Variants in GRIN2B observed in about 807,000 individuals in gnomAD.
GRIN2B encodes the protein glutamate receptor ionotropic, NMDA 2B.
A neutral mutation model predicts 114.5 loss-of-function variants in GRIN2B; 5 were observed. The ratio of observed to expected loss-of-function variants is 0.04; its 90% CI spans 0.02 to 0.09. The LOEUF (loss-of-function observed/expected upper bound fraction) is 0.09. Among genes scored for constraint, GRIN2B ranks in the 10% least tolerant of loss-of-function variants. GRIN2B has a pLI of 1.00. For synonymous variants in GRIN2B, 787 were observed against 745.1 expected (o/e 1.06, Z -0.92); for missense variants, 1,108 against 1,943.5 (o/e 0.57, Z 8.08).
intron 11 of GRIN2B, among the ~76,000 whole-genome samples, chr12:13,571,558 G>A (rs779819395): frequency 3.3e-5 from 5 of 151,934 alleles, no homozygotes; most frequent in Non-Finnish European, 7.4e-5. Context: ...CTTATTTCAT[G>A]GTTACATTAG....
At chr12:13,770,365 T>G (rs757725779) in intron 3 of GRIN2B, among the ~76,000 whole-genome samples, 22 of 152,220 alleles carry the variant, frequency 1.4e-4, no homozygotes, top group Admixed American at 3.3e-4. Flanking sequence ...TGATTCACTT[T>G]GAATATATCA....
chr12:13,850,136 A>T (rs1159072025), intron 3 of GRIN2B, among the ~76,000 whole-genome samples: 2 of 152,170 alleles, frequency 1.3e-5, no homozygotes, highest in Non-Finnish European at 2.9e-5. Flanking sequence ...GGTAACAGCA[A>T]TTACAGCTGA....
intron 3 of GRIN2B, among the ~76,000 whole-genome samples, chr12:13,819,800 T>C (rs1309333752): frequency 6.6e-6 from 1 of 152,208 alleles, no homozygotes; most frequent in Non-Finnish European, 1.5e-5. Flanking sequence ...TCTGAACCTG[T>C]TGGATTTCAG....
intron 3 of GRIN2B, among the ~76,000 whole-genome samples, chr12:13,833,789 A>T (rs984574299): frequency 2.0e-5 from 3 of 152,148 alleles, no homozygotes; most frequent in Admixed American, 6.6e-5. Context: ...ACTTTTCCAC[A>T]GTACCACGGA....
chr12:13,878,094 T>C (rs1357563081), intron 2 of GRIN2B, among the ~76,000 whole-genome samples: 1 of 150,480 alleles, frequency 6.6e-6, no homozygotes, highest in Admixed American at 6.6e-5. Context: ...AAAAATCTAC[T>C]GTCTACTCCG....
intron 3 of GRIN2B, among the ~76,000 whole-genome samples, chr12:13,824,323 A>AT (rs1325027086): frequency 2.6e-5 from 4 of 152,112 alleles, no homozygotes; most frequent in African/African-American, 4.8e-5. Context: ...ATGACTTATT[A>AT]TTTTTTTCTT....
At chr12:13,918,639 G>T (rs73293524) in intron 2 of GRIN2B, among the ~76,000 whole-genome samples, 40 of 152,176 alleles carry the variant, frequency 2.6e-4, no homozygotes, top group South Asian at 1.2e-3. Flanking sequence ...TTCAATGCAC[G>T]CTCTGCAATT....
intron 10 of GRIN2B, among the ~76,000 whole-genome samples, chr12:13,607,352 A>ATATTTTATATATT (rs1565473680): frequency 1.0e-4 from 3 of 29,846 alleles, no homozygotes; most frequent in African/African-American, 4.0e-4. Flanking sequence ...TAATATATAA[A>ATATTTTATATATT]ATATATAATA....
At chr12:13,628,917 A>G (rs1300671263) in intron 5 of GRIN2B, among the ~76,000 whole-genome samples, 1 of 152,248 alleles carries the variant, frequency 6.6e-6, no homozygotes, top group African/African-American at 2.4e-5. Flanking sequence ...GAAAAGAAAC[A>G]AGGTATAAAC....
chr12:13,627,023 C>A (rs1317271475), intron 5 of GRIN2B, among the ~76,000 whole-genome samples: 1 of 151,830 alleles, frequency 6.6e-6, no homozygotes, highest in Non-Finnish European at 1.5e-5. Flanking sequence ...TGGTAGGACC[C>A]AGGAGAATGT....
At chr12:13,598,977 G>A (rs1220109676) in intron 10 of GRIN2B, among the ~76,000 whole-genome samples, 2 of 152,182 alleles carry the variant, frequency 1.3e-5, no homozygotes, top group Admixed American at 6.5e-5. Flanking sequence ...AATCCAAGCT[G>A]CTCCGTGCTG....
At position 13,541,869 on chromosome 12, in the gene GRIN2B, C is replaced by T. The variant is rs879884727; in HGVS notation, c.*20914G>A. The T allele has an allele frequency of 3.3e-5, 5 of 152,258 alleles. No individual in the cohort carries two copies. Among genetic ancestry groups the T allele is most frequent in the Admixed American group, 6.5e-5 (1 of 15,286 alleles). 9.4% of individuals were successfully genotyped at this position (152,258 alleles called of 1,614,324 possible). A position where few individuals can be genotyped will look rare whatever the true frequency, so the allele number is the denominator to read the frequency against. On this transcript the variant is annotated 3_prime_UTR_variant, in exon 14 of 14. Coordinates refer to ENST00000609686, the MANE Select transcript of GRIN2B (RefSeq NM_000834.5). ...GCACAGGAAATAGAATTAGTGCATC[C>T]TCTGTGTCAGAAACAACGTGCAGTG...
At chr12:13,926,486 C>T (rs1866912875) in intron 2 of GRIN2B, among the ~76,000 whole-genome samples, 1 of 152,170 alleles carries the variant, frequency 6.6e-6, no homozygotes, top group Non-Finnish European at 1.5e-5. Context: ...TCAGAGACCA[C>T]CTTGTACGAT....
chr12:13,706,166 T>A (rs963426927), intron 4 of GRIN2B, among the ~76,000 whole-genome samples: 23 of 151,744 alleles, frequency 1.5e-4, no homozygotes, highest in Non-Finnish European at 5.9e-5. Flanking sequence ...CTCCACCTAT[T>A]TGATTTGATG....
chr12:13,846,535 GT>G (rs1865475985), intron 3 of GRIN2B, among the ~76,000 whole-genome samples: 1 of 152,238 alleles, frequency 6.6e-6, no homozygotes, highest in African/African-American at 2.4e-5. Context: ...TTTTTCTTGT[GT>G]TGAGACTGCC....
chr12:13,847,178 T>C (rs565165994), intron 3 of GRIN2B, among the ~76,000 whole-genome samples: 1 of 152,324 alleles, frequency 6.6e-6, no homozygotes, highest in East Asian at 1.9e-4. Context: ...TGTGAATCTA[T>C]GATGATCTCA....
chr12:13,729,146 A>G (rs1169562386), intron 4 of GRIN2B, among the ~76,000 whole-genome samples: 2 of 152,208 alleles, frequency 1.3e-5, no homozygotes, highest in Non-Finnish European at 2.9e-5. Context: ...CTTACTTAGC[A>G]CTAGCTATCC....
At chr12:13,837,348 C>CCAGGGCCCAAA (rs1565557056) in intron 3 of GRIN2B, among the ~76,000 whole-genome samples, 1 of 152,224 alleles carries the variant, frequency 6.6e-6, no homozygotes, top group Non-Finnish European at 1.5e-5. Context: ...AAACCACAGT[C>CCAGGGCCCAAA]CCCCTGAGTC....
chr12:13,813,886 C>G (rs188463186), intron 3 of GRIN2B, among the ~76,000 whole-genome samples: 1 of 152,250 alleles, frequency 6.6e-6, no homozygotes, highest in East Asian at 1.9e-4. Flanking sequence ...AGTTGAACAG[C>G]CTTACTTTTG....
Sources: allele counts gnomAD v4.1 joint callset (sites outside exome capture counted in the v4.1 genomes callset), GRCh38; gene constraint gnomAD v4.1.1; transcripts MANE v1.5; gene names NCBI Gene and HGNC (gene_info 2026-07-23, HGNC 2026-07-21).